Variants in ZFHX3 observed in about 807,000 individuals in gnomAD.
The protein encoded by ZFHX3 is zinc finger homeobox 3.
A neutral mutation model predicts 279.1 loss-of-function variants in ZFHX3; 42 were observed. The observed-to-expected ratio is 0.15, with a 90% CI of 0.12 to 0.19. The LOEUF is 0.19. Among genes scored for constraint, ZFHX3 ranks in the 10% least tolerant of loss-of-function variants. ZFHX3 has a pLI of 1.00. For synonymous variants in ZFHX3, 2,293 were observed against 1,957.8 expected (o/e 1.17, Z -4.52); for missense variants, 4,981 against 4,754.0 (o/e 1.05, Z -1.40).
At chr16:73,126,980 G>T (rs1966579918) in intron 7 of ZFHX3, 1 of 162,740 alleles carries the variant, frequency 6.1e-6, no homozygotes, top group African/African-American at 2.4e-5. Context: ...ACAAGGGAAA[G>T]AAAAAGAAAA....
intron 2 of ZFHX3, among the ~76,000 whole-genome samples, chr16:73,626,921 CTCTGCTTAGCA>C (rs2052422303): frequency 6.6e-6 from 1 of 152,176 alleles, no homozygotes; most frequent in Non-Finnish European, 1.5e-5. Flanking sequence ...GTGCCAGACT[CTCTGCTTAGCA>C]TCTGGGATAA....
chr16:73,442,340 C>T (rs2018108842), intron 3 of ZFHX3, among the ~76,000 whole-genome samples: 1 of 151,504 alleles, frequency 6.6e-6, no homozygotes, highest in African/African-American at 2.4e-5. Flanking sequence ...TTCCTTTGTC[C>T]ACATCAGTAT....
chr16:73,849,799 C>A (rs1961549167), intron 1 of ZFHX3, among the ~76,000 whole-genome samples: 1 of 152,234 alleles, frequency 6.6e-6, no homozygotes, highest in African/African-American at 2.4e-5. Context: ...ATGGCGTGAT[C>A]TCAGCTCACT....
Position 73,034,731 on chromosome 16 carries a change from G to A in ZFHX3, c.-50+13021C>T, listed in dbSNP as rs1020662059. On this transcript the variant is annotated intron_variant, in intron 1 of 9. Transcript: ENST00000268489. ...GGGCTGTCCCCTGAGGAGGTGGCCC[G>A]TGCCTTGCTGCCACTGCTGGTCTTC... is the stretch of plus-strand genomic sequence containing the variant. 3.3e-5 allele frequency among the ~76,000 whole-genome samples: 5 copies of A among 152,334 alleles called. No individual in the cohort carries two copies. In the South Asian group the frequency reaches 6.2e-4, roughly 19 times the overall value.
Position 73,482,819 on chromosome 16 carries a change from C to A in ZFHX3, c.-1546-26561G>T, listed in dbSNP as rs536404120. ...ATTATTTGCAAACCTCTAATGTGAA[C>A]CTGGAGATGTAATTTACATTTGTGC... On this transcript the variant is annotated intron_variant, in intron 2 of 17. Transcript: ENST00000641206. Among the ~76,000 whole-genome samples, 5 of 152,234 alleles carry A rather than the reference C, an allele frequency of 3.3e-5. No individual in the cohort carries two copies. The South Asian group carries it at 6.2e-4, about 19-fold the overall frequency.
chr16:72,905,970 C>T lies in ZFHX3; in HGVS notation c.3217-16008G>A, dbSNP rs76145568. On this transcript the variant is annotated intron_variant, in intron 3 of 9. Coordinates refer to ENST00000268489, the MANE Select transcript of ZFHX3 (RefSeq NM_006885.4). ...TGGTTAAGGCTCTCACCTTCCTCTA[C>T]TCTCCATTCTAGGACCTAGGAGGAA... 1.3e-3 allele frequency among the ~76,000 whole-genome samples: 204 copies of T among 152,300 alleles called. 2 individuals carry two copies. Among genetic ancestry groups the T allele is most frequent in the African/African-American group, 4.7e-3 (195 of 41,578 alleles).
intron 1 of ZFHX3, among the ~76,000 whole-genome samples, chr16:73,742,311 A>G (rs905527524): frequency 6.6e-6 from 1 of 152,190 alleles, no homozygotes; most frequent in African/African-American, 2.4e-5. Flanking sequence ...CTAAAAGGAT[A>G]GAGAGCCTGC....
chr16:73,516,484 T>C (rs2019524768), intron 2 of ZFHX3, among the ~76,000 whole-genome samples: 2 of 152,322 alleles, frequency 1.3e-5, no homozygotes, highest in African/African-American at 4.8e-5. Context: ...TTGTGACACA[T>C]GAGATGTGGC....
At chr16:73,195,407 T>A (rs1470325006) in intron 5 of ZFHX3, among the ~76,000 whole-genome samples, 1 of 136,262 alleles carries the variant, frequency 7.3e-6, no homozygotes, top group Non-Finnish European at 1.5e-5. Context: ...TGGTTGTGTC[T>A]TTACTATTTT....
chr16:72,916,922 G>T (rs1023696991), intron 3 of ZFHX3, among the ~76,000 whole-genome samples: 5 of 152,220 alleles, frequency 3.3e-5, no homozygotes, highest in Middle Eastern at 3.4e-3. Context: ...TCTTGGCAGG[G>T]GAAAGACAGT....
At chr16:72,812,410 T>C (rs1467580755) in intron 5 of ZFHX3, among the ~76,000 whole-genome samples, 3 of 152,160 alleles carry the variant, frequency 2.0e-5, no homozygotes, top group Non-Finnish European at 2.9e-5. Context: ...GTCTCACCAA[T>C]TGCTTTGCCA....
intron 3 of ZFHX3, among the ~76,000 whole-genome samples, chr16:72,921,736 G>A (rs573539718): frequency 6.6e-6 from 1 of 152,334 alleles, no homozygotes; most frequent in Non-Finnish European, 1.5e-5. Flanking sequence ...GCAGTGCCTG[G>A]CTCGGCGCCC....
At chr16:73,516,501 A>G (rs2019525077) in intron 2 of ZFHX3, among the ~76,000 whole-genome samples, 1 of 152,200 alleles carries the variant, frequency 6.6e-6, no homozygotes, top group East Asian at 1.9e-4. Context: ...TGGCTGCAAT[A>G]GGGTGGTGAT....
chr16:73,252,250 G>A (rs2013532529), intron 5 of ZFHX3, among the ~76,000 whole-genome samples: 1 of 152,206 alleles, frequency 6.6e-6, no homozygotes, highest in Non-Finnish European at 1.5e-5. Flanking sequence ...TGATCCATGA[G>A]TATGAGGGCC....
At chr16:73,273,318 A>G (rs1370387170) in intron 4 of ZFHX3, among the ~76,000 whole-genome samples, 1 of 152,186 alleles carries the variant, frequency 6.6e-6, no homozygotes, top group Non-Finnish European at 1.5e-5. Context: ...ATGAACCAAA[A>G]ACCTACAATC....
intron 4 of ZFHX3, among the ~76,000 whole-genome samples, chr16:73,281,057 G>GAGGGA (rs2014446672): frequency 1.4e-5 from 2 of 146,450 alleles, no homozygotes; most frequent in Non-Finnish European, 3.0e-5. Context: ...GAGGGGAGGG[G>GAGGGA]AGGAGATAGT....
At chr16:73,003,944 CTTTT>C (rs35311786) in intron 1 of ZFHX3, among the ~76,000 whole-genome samples, 1 of 139,540 alleles carries the variant, frequency 7.2e-6, no homozygotes, top group Non-Finnish European at 1.6e-5. Context: ...AGGGTATTTG[CTTTT>C]TTTTTTTTTT....
chr16:73,630,804 G>A (rs551789513), intron 2 of ZFHX3, among the ~76,000 whole-genome samples: 2 of 152,308 alleles, frequency 1.3e-5, no homozygotes, highest in African/African-American at 4.8e-5. Flanking sequence ...TTGTTTTCAG[G>A]AGAAATGACA....
At chr16:73,296,647 C>A (rs377705568) in intron 4 of ZFHX3, among the ~76,000 whole-genome samples, 35 of 152,236 alleles carry the variant, frequency 2.3e-4, no homozygotes, top group African/African-American at 8.4e-4. Context: ...ATAGAATTCA[C>A]CCCCTTGATC....
Sources: gnomAD v4.1 joint callset for allele counts (sites outside exome capture counted in the v4.1 genomes callset) on GRCh38, gnomAD v4.1.1 for gene constraint, MANE v1.5 for transcripts, NCBI Gene and HGNC (gene_info 2026-07-23, HGNC 2026-07-21) for gene names.